Variants in FRMPD1 observed in about 807,000 individuals in gnomAD.
FRMPD1 encodes FERM and PDZ domain-containing protein 1.
A neutral mutation model predicts 117.8 loss-of-function variants in FRMPD1; 76 were observed. The ratio of observed to expected loss-of-function variants is 0.65; its 90% CI spans 0.54 to 0.78. The LOEUF (loss-of-function observed/expected upper bound fraction) is 0.78, where lower values mean the gene tolerates loss of function less well. Among genes scored for constraint, FRMPD1 ranks in the 30% least tolerant of loss-of-function variants. The pLI is 0.00. For synonymous variants in FRMPD1, 783 were observed against 770.4 expected, an observed-to-expected ratio of 1.02 and a Z score of -0.27; for missense variants, 1,786 against 1,964.5, an observed-to-expected ratio of 0.91 and a Z score of 1.72.
intron 1 of FRMPD1, among the ~76,000 whole-genome samples, chr9:37,674,524 C>CA (rs1821458671): frequency 6.6e-6 from 1 of 152,146 alleles, no homozygotes; most frequent in Non-Finnish European, 1.5e-5. Context: ...TTTGGGGTAT[C>CA]TTTTCAGCAA....
rs538267107 is a variant in FRMPD1 at position 37,657,770 on chromosome 9, T to C, written c.-5+6676T>C. ...AGATTCACACATATGTTTCCAGATA[T>C]TTTAGCTACCAGCATAGACCCTCAA... On this transcript the variant is annotated intron_variant, in intron 1 of 15. Coordinates refer to ENST00000377765, the MANE Select transcript of FRMPD1 (RefSeq NM_014907.3). Among the ~76,000 whole-genome samples the C allele has an allele frequency of 7.2e-5, 11 of 152,236 alleles. 1 individual carries two copies. The South Asian group carries it at 2.1e-3, about 29-fold the overall frequency.
At chr9:37,642,828 G>T in the FRMPD1 span, among the ~76,000 whole-genome samples, 1 of 152,260 alleles carries the variant, frequency 6.6e-6, no homozygotes, top group South Asian at 2.1e-4. Context: ...ACTTAACTCT[G>T]CTATGTTGTT....
At chr9:37,661,149 G>A (rs1394443261) in intron 1 of FRMPD1, among the ~76,000 whole-genome samples, 1 of 152,198 alleles carries the variant, frequency 6.6e-6, no homozygotes, top group African/African-American at 2.4e-5. Context: ...ACTGCTGCCT[G>A]TTGTTCTGTG....
intron 1 of FRMPD1, among the ~76,000 whole-genome samples, chr9:37,668,916 T>C (rs1008689778): frequency 2.0e-5 from 3 of 152,352 alleles, no homozygotes; most frequent in Non-Finnish European, 4.4e-5. Context: ...TTAAATACTT[T>C]TGGAACTAAC....
chr9:37,679,235 C>T (rs1199601160), intron 1 of FRMPD1, among the ~76,000 whole-genome samples: 1 of 152,216 alleles, frequency 6.6e-6, no homozygotes, highest in African/African-American at 2.4e-5. Context: ...TGGCCAGAAG[C>T]ATTTGGGGAA....
the FRMPD1 span, among the ~76,000 whole-genome samples, chr9:37,627,738 A>G: frequency 6.6e-6 from 1 of 152,198 alleles, no homozygotes; most frequent in African/African-American, 2.4e-5. Context: ...CCTTCCCCCA[A>G]GTGGGTTACA....
the FRMPD1 span, chr9:37,636,729 C>T: frequency 1.3e-5 from 20 of 1,587,168 alleles, no homozygotes; most frequent in South Asian, 4.7e-5. Flanking sequence ...GGGGTGCTGT[C>T]GATCTTGAGA....
intron 14 of FRMPD1, among the ~76,000 whole-genome samples, chr9:37,738,396 G>T (rs1179516963): frequency 6.6e-6 from 1 of 152,118 alleles, no homozygotes; most frequent in Non-Finnish European, 1.5e-5. Context: ...CTGGAGTGCA[G>T]TGGTGCAATC....
At chr9:37,720,477 A>C (rs1823346905) in intron 6 of FRMPD1, among the ~76,000 whole-genome samples, 1 of 152,166 alleles carries the variant, frequency 6.6e-6, no homozygotes, top group East Asian at 1.9e-4. Flanking sequence ...ATCCTGGCTA[A>C]CATGGCGAAA....
Position 37,714,289 on chromosome 9 carries a change from C to G in FRMPD1, c.408+2894C>G, listed in dbSNP as rs527798616. On this transcript the variant is annotated intron_variant, in intron 5 of 15. Transcript: ENST00000377765. ...TTAATCAGGCAGGTTTTTTCCTGAT[C>G]TGTTTCCAAGAAATGAGCAAAAGAA... Among the ~76,000 whole-genome samples, 16 of 152,290 alleles carry G rather than the reference C, an allele frequency of 1.1e-4. No individual in the cohort carries two copies. In the South Asian group the frequency reaches 2.7e-3, roughly 26 times the overall value.
intron 2 of FRMPD1, among the ~76,000 whole-genome samples, chr9:37,692,974 C>T (rs1350283622): frequency 1.3e-5 from 2 of 152,224 alleles, no homozygotes; most frequent in South Asian, 2.1e-4. Flanking sequence ...CTCACACACA[C>T]TTACAACATT....
At chr9:37,730,590 T>C (rs1019686856) in intron 8 of FRMPD1, among the ~76,000 whole-genome samples, 1 of 152,232 alleles carries the variant, frequency 6.6e-6, no homozygotes, top group Admixed American at 6.5e-5. Flanking sequence ...ATCCCTAAGA[T>C]AGTTTAAGTG....
At chr9:37,637,191 C>T in the FRMPD1 span, 1 of 1,610,196 alleles carries the variant, frequency 6.2e-7, no homozygotes. Flanking sequence ...ATGTAGCTCT[C>T]TGTGTAAGGG....
chr9:37,708,866 C>T (rs1268443072), intron 4 of FRMPD1, among the ~76,000 whole-genome samples: 2 of 152,196 alleles, frequency 1.3e-5, no homozygotes, highest in Admixed American at 1.3e-4. Context: ...AAAGATTGAA[C>T]TAAATTGATG....
At position 37,733,545 on chromosome 9, in the gene FRMPD1, A is replaced by C. The variant is rs771204432; in HGVS notation, c.1068A>C (p.Lys356Asn). Reference protein sequence around the residue: ...LRNMKGKDIKKAISFHMKRNQ... With the variant: ...LRNMKGKDIKNAISFHMKRNQ... ...ACATGAAAGGCAAAGACATCAAGAA[A>C]GCCATTAGCTTCCACATGAAGAGGA... The change falls in exon 11 of 16, where the codon AAA becomes AAC. Residue 356 changes from lysine to asparagine, a missense_variant. Physicochemically the swap from Lys to Asn is moderately conservative, Grantham distance 94. Transcript: ENST00000377765. 9 of 1,613,842 alleles carry C rather than the reference A, an allele frequency of 5.6e-6. No individual in the cohort carries two copies. The East Asian group carries it at 2.0e-4, about 36-fold the overall frequency.
intron 1 of FRMPD1, among the ~76,000 whole-genome samples, chr9:37,664,981 G>A (rs1821118929): frequency 6.6e-6 from 1 of 152,164 alleles, no homozygotes; most frequent in African/African-American, 2.4e-5. Flanking sequence ...AATTACAGAT[G>A]TATTTTCAGA....
chr9:37,651,297 G>C (rs1359401490), intron 1 of FRMPD1, among the ~76,000 whole-genome samples: 2 of 152,200 alleles, frequency 1.3e-5, no homozygotes, highest in Non-Finnish European at 2.9e-5. Context: ...ATCGTGAACT[G>C]TTTGCACAGT....
chr9:37,687,027 G>T (rs1821972059), intron 1 of FRMPD1, among the ~76,000 whole-genome samples: 1 of 152,190 alleles, frequency 6.6e-6, no homozygotes, highest in African/African-American at 2.4e-5. Flanking sequence ...AACTGTAGAA[G>T]TCATCTGCTC....
chr9:37,708,290 C>A, intron 3 of FRMPD1, 109 bp from the exon 4 acceptor site: 4 of 679,040 alleles, frequency 5.9e-6, no homozygotes, highest in Non-Finnish European at 1.1e-5. Context: ...GGGGAGTGAG[C>A]CAGTGCCCCT....
Sources: gnomAD v4.1 joint callset for allele counts (sites outside exome capture counted in the v4.1 genomes callset) on GRCh38, gnomAD v4.1.1 for gene constraint, MANE v1.5 for transcripts, NCBI Gene and HGNC (gene_info 2026-07-23, HGNC 2026-07-21) for gene names.